Variants in ASAP1 observed in about 807,000 individuals in gnomAD.
ASAP1 encodes the protein arf-GAP with SH3 domain, ANK repeat and PH domain-containing protein 1.
A neutral mutation model predicts 145.2 loss-of-function variants in ASAP1; 43 were observed. The observed-to-expected ratio is 0.30, with a 90% confidence interval of 0.23 to 0.38. The LOEUF (loss-of-function observed/expected upper bound fraction) is 0.38, where lower values mean the gene tolerates loss of function less well. Ranked by LOEUF, ASAP1 falls within the 10% of genes least tolerant of loss-of-function variation. ASAP1 has a pLI of 1.00. For missense variants in ASAP1, 1,018 were observed against 1,355.3 expected, an observed-to-expected ratio of 0.75 and a Z score of 3.91; for synonymous variants, 546 against 515.5, an observed-to-expected ratio of 1.06 and a Z score of -0.80.
At chr8:130,267,127 A>AAAC (rs1565153667) in intron 3 of ASAP1, among the ~76,000 whole-genome samples, 2 of 150,954 alleles carry the variant, frequency 1.3e-5, no homozygotes, top group African/African-American at 4.8e-5. Context: ...AACAAACAAA[A>AAAC]AAAAAACAAA....
At chr8:130,285,557 C>T (rs1821556220) in intron 3 of ASAP1, among the ~76,000 whole-genome samples, 1 of 152,112 alleles carries the variant, frequency 6.6e-6, no homozygotes, top group Non-Finnish European at 1.5e-5. Flanking sequence ...TGAAGAGAGT[C>T]GTCATATATG....
At chr8:130,398,419 A>AATGGT (rs1828631388) in intron 2 of ASAP1, among the ~76,000 whole-genome samples, 2 of 152,226 alleles carry the variant, frequency 1.3e-5, no homozygotes, top group Non-Finnish European at 2.9e-5. Flanking sequence ...TAGTAGTAAT[A>AATGGT]ATAGTAGAAG....
At chr8:130,385,781 T>A (rs1182097934) in intron 2 of ASAP1, among the ~76,000 whole-genome samples, 1 of 152,214 alleles carries the variant, frequency 6.6e-6, no homozygotes, top group Non-Finnish European at 1.5e-5. Flanking sequence ...TCTCCCTACA[T>A]CCAGTTACTT....
At chr8:130,327,637 A>T (rs762258236) in intron 3 of ASAP1, among the ~76,000 whole-genome samples, 1 of 152,250 alleles carries the variant, frequency 6.6e-6, no homozygotes, top group Non-Finnish European at 1.5e-5. Flanking sequence ...AATAGCTGCT[A>T]AAGTAAGGTA....
At chr8:130,359,913 G>A (rs919312059) in intron 2 of ASAP1, among the ~76,000 whole-genome samples, 1 of 152,216 alleles carries the variant, frequency 6.6e-6, no homozygotes, top group African/African-American at 2.4e-5. Flanking sequence ...GTGAGCCACC[G>A]CGCCCGGCCC....
intron 3 of ASAP1, among the ~76,000 whole-genome samples, chr8:130,270,423 T>A (rs1291647911): frequency 6.6e-6 from 1 of 152,222 alleles, no homozygotes; most frequent in East Asian, 1.9e-4. Context: ...CTGTGTGATC[T>A]CAAGGAATCA....
At chr8:130,207,976 T>C (rs1044446202) in intron 5 of ASAP1, among the ~76,000 whole-genome samples, 1 of 152,216 alleles carries the variant, frequency 6.6e-6, no homozygotes, top group Admixed American at 6.5e-5. Flanking sequence ...TTGATTTGTG[T>C]TCTGCACATT....
chr8:130,430,725 C>A (rs1456727160), intron 1 of ASAP1, among the ~76,000 whole-genome samples: 1 of 152,056 alleles, frequency 6.6e-6, no homozygotes. Context: ...ACAGAAGGGG[C>A]TGGACTGCAG....
At chr8:130,387,182 C>T (rs1015234352) in intron 2 of ASAP1, among the ~76,000 whole-genome samples, 5 of 152,084 alleles carry the variant, frequency 3.3e-5, no homozygotes, top group Admixed American at 6.6e-5. Flanking sequence ...CTCAGTAAAT[C>T]CTAACACTCT....
At chr8:130,243,558 C>T (rs1818671717) in intron 3 of ASAP1, among the ~76,000 whole-genome samples, 2 of 152,170 alleles carry the variant, frequency 1.3e-5, no homozygotes, top group South Asian at 4.1e-4. Context: ...CTTCTGCCCT[C>T]TCCCCTCTGT....
At chr8:130,142,303 A>G (rs940217877) in intron 13 of ASAP1, among the ~76,000 whole-genome samples, 1 of 152,156 alleles carries the variant, frequency 6.6e-6, no homozygotes, top group East Asian at 1.9e-4. Flanking sequence ...ACACAAGAAC[A>G]TTTCCTCCTG....
At chr8:130,244,300 T>C (rs1818718361) in intron 3 of ASAP1, among the ~76,000 whole-genome samples, 1 of 152,164 alleles carries the variant, frequency 6.6e-6, no homozygotes, top group African/African-American at 2.4e-5. Flanking sequence ...CTGAGTACTA[T>C]GTGAATATGA....
At position 130,128,039 on chromosome 8, in the gene ASAP1, G is replaced by A. The variant is rs942163098; in HGVS notation, c.1269C>T (p.Phe423=). 3.7e-6 allele frequency: 6 copies of A among 1,613,384 alleles called. No homozygotes were observed. The highest frequency in any genetic ancestry group is 1.1e-5 in the South Asian group (1 of 91,022). ...TCTCTCCCGCACTCTGCTCTCCACG[G>A]AAGGCCATGGTTAGGGCCTCTTCTT... The part of the protein sequence containing the change: ...NSKEEALTMA[F]RGEQSAGENS... The change falls in exon 16 of 30, where the codon TTC becomes TTT. Residue 423 remains phenylalanine (F), a synonymous_variant. Transcript: ENST00000518721.
chr8:130,225,354 T>C (rs1817528175), intron 4 of ASAP1, among the ~76,000 whole-genome samples: 3 of 152,228 alleles, frequency 2.0e-5, no homozygotes, highest in African/African-American at 7.2e-5. Flanking sequence ...ATATTTAGTA[T>C]TTTTAAAAAC....
intron 1 of ASAP1, among the ~76,000 whole-genome samples, chr8:130,426,912 C>T (rs1829940047): frequency 6.6e-6 from 1 of 152,198 alleles, no homozygotes; most frequent in South Asian, 2.1e-4. Context: ...AATGTAAAGT[C>T]CATGAGGATA....
chr8:130,374,700 C>T lies in ASAP1; in HGVS notation c.60-16557G>A, dbSNP rs114011535. Among the ~76,000 whole-genome samples the T allele has an allele frequency of 3.7e-3, 558 of 152,330 alleles. 3 individuals carry two copies. The highest frequency in any genetic ancestry group is 0.013 in the African/African-American group (533 of 41,578). The stretch of plus-strand genomic sequence containing the variant: ...GGAAGCAGCACAGATGTTAAAGTTG[C>T]GCTGAGCAAGTGTGTCTGAATCCTG... On this transcript the variant is annotated intron_variant, in intron 2 of 29. Coordinates refer to ENST00000518721, the MANE Select transcript of ASAP1 (RefSeq NM_018482.4).
At chr8:130,095,762 G>C (rs2097516262) in intron 24 of ASAP1, among the ~76,000 whole-genome samples, 1 of 151,110 alleles carries the variant, frequency 6.6e-6, no homozygotes, top group Non-Finnish European at 1.5e-5. Context: ...GGGACTACAG[G>C]TGCACGCCGC....
At chr8:130,204,128 G>A (rs1353796898) in intron 5 of ASAP1, among the ~76,000 whole-genome samples, 1 of 152,154 alleles carries the variant, frequency 6.6e-6, no homozygotes, top group African/African-American at 2.4e-5. Flanking sequence ...GCGAAGCTGA[G>A]TTCCGCCTCC....
chr8:130,138,707 G>A (rs2135835068), intron 13 of ASAP1, among the ~76,000 whole-genome samples: 1 of 151,964 alleles, frequency 6.6e-6, no homozygotes, highest in South Asian at 2.1e-4. Flanking sequence ...GTGGTGTCGG[G>A]TGCCTGTAAT....
Sources: gnomAD v4.1 joint callset for allele counts (sites outside exome capture counted in the v4.1 genomes callset) on GRCh38, gnomAD v4.1.1 for gene constraint, MANE v1.5 for transcripts, NCBI Gene and HGNC (gene_info 2026-07-23, HGNC 2026-07-21) for gene names.